CTNNA3: variants seen among roughly 807,000 people sequenced by gnomAD.
CTNNA3 encodes catenin alpha 3, also known as catenin alpha-3.
CTNNA3 carries 76 observed loss-of-function variants against 95.7 expected under a neutral mutation model. The ratio of observed to expected loss-of-function variants is 0.79; its 90% confidence interval spans 0.66 to 0.96. CTNNA3 has a LOEUF of 0.96. CTNNA3 is among the 40% of genes least tolerant of loss of function. The pLI is 0.00. For synonymous variants in CTNNA3, 431 were observed against 374.4 expected (o/e 1.15, Z -1.74); for missense variants, 1,191 against 1,089.8 (o/e 1.09, Z -1.31).
At chr10:66,339,801 T>C (rs1476883476) in intron 12 of CTNNA3, among the ~76,000 whole-genome samples, 1 of 151,858 alleles carries the variant, frequency 6.6e-6, no homozygotes, top group Non-Finnish European at 1.5e-5. Flanking sequence ...ACTAGACTTC[T>C]GGTTTACCTA....
At chr10:67,431,346 C>G (rs1846106590) in intron 5 of CTNNA3, among the ~76,000 whole-genome samples, 1 of 151,952 alleles carries the variant, frequency 6.6e-6, no homozygotes, top group South Asian at 2.1e-4. Flanking sequence ...ATCTCAGAAT[C>G]AGAGTATCTG....
intron 15 of CTNNA3, among the ~76,000 whole-genome samples, chr10:65,996,798 C>T (rs78680956): frequency 0.13 from 19,621 of 152,196 alleles, 1,345 homozygotes; most frequent in East Asian, 0.2. Context: ...AAGCTGGCAG[C>T]TTTACTTCCC....
At chr10:66,861,375 A>T (rs1843919923) in intron 7 of CTNNA3, among the ~76,000 whole-genome samples, 1 of 152,082 alleles carries the variant, frequency 6.6e-6, no homozygotes, top group Non-Finnish European at 1.5e-5. Flanking sequence ...CCCACATCCC[A>T]AAGCTGTGCA....
intron 10 of CTNNA3, among the ~76,000 whole-genome samples, chr10:66,546,997 T>C (rs1842053762): frequency 6.6e-6 from 1 of 152,162 alleles, no homozygotes; most frequent in Non-Finnish European, 1.5e-5. Context: ...TTTTGTTTTG[T>C]TTTTCTTGCT....
At chr10:67,132,571 G>A (rs1239700636) in intron 7 of CTNNA3, among the ~76,000 whole-genome samples, 2 of 152,156 alleles carry the variant, frequency 1.3e-5, no homozygotes, top group Non-Finnish European at 2.9e-5. Flanking sequence ...AAATGAGAGG[G>A]ATATGGGTTA....
chr10:67,433,693 T>TA (rs1028644237), intron 5 of CTNNA3, among the ~76,000 whole-genome samples: 1 of 152,054 alleles, frequency 6.6e-6, no homozygotes, highest in Admixed American at 6.6e-5. Flanking sequence ...TGGATGAATA[T>TA]ATCATGAAAA....
At chr10:66,150,488 T>C (rs1370951579) in intron 13 of CTNNA3, among the ~76,000 whole-genome samples, 2 of 151,956 alleles carry the variant, frequency 1.3e-5, no homozygotes, top group African/African-American at 2.4e-5. Flanking sequence ...AATTTTTTTC[T>C]ATTTTTTTAT....
At position 66,069,848 on chromosome 10, in the gene CTNNA3, G is replaced by A. The variant is rs142259160; in HGVS notation, c.1978-359C>T. Among the ~76,000 whole-genome samples the A allele has an allele frequency of 2.7e-3, 406 of 152,142 alleles. 6 individuals are homozygous for A. The highest frequency in any genetic ancestry group is 9.1e-3 in the African/African-American group (379 of 41,524). On this transcript the variant is annotated intron_variant, in intron 14 of 17. Coordinates refer to ENST00000433211, the MANE Select transcript of CTNNA3 (RefSeq NM_013266.4). The stretch of plus-strand genomic sequence containing the variant: ...TGCATCACCTTTGTTAGAAAAGTGC[G>A]TATAAAAAGGTGGATGTATAACATA...
At chr10:67,739,175 G>A (rs965194409) in intron 1 of CTNNA3, among the ~76,000 whole-genome samples, 2 of 152,104 alleles carry the variant, frequency 1.3e-5, no homozygotes, top group Non-Finnish European at 2.9e-5. Context: ...GGAAAAAATG[G>A]TAAGGGCAGC....
At chr10:67,488,867 G>T (rs1429380455) in intron 5 of CTNNA3, among the ~76,000 whole-genome samples, 1 of 151,710 alleles carries the variant, frequency 6.6e-6, no homozygotes, top group Non-Finnish European at 1.5e-5. Flanking sequence ...ACAGGGTTTT[G>T]CCATGTTACC....
At chr10:66,109,573 G>A (rs1156917583) in intron 13 of CTNNA3, among the ~76,000 whole-genome samples, 1 of 152,136 alleles carries the variant, frequency 6.6e-6, no homozygotes, top group African/African-American at 2.4e-5. Flanking sequence ...GCCCAACATA[G>A]GTAGCAGGAG....
chr10:66,413,369 T>C (rs902507826), intron 11 of CTNNA3, among the ~76,000 whole-genome samples: 1 of 141,128 alleles, frequency 7.1e-6, no homozygotes, highest in African/African-American at 2.6e-5. Flanking sequence ...TAAAAAGCCC[T>C]GCACTAGAAG....
chr10:66,411,952 T>C (rs1343863430), intron 11 of CTNNA3, among the ~76,000 whole-genome samples: 4 of 152,016 alleles, frequency 2.6e-5, no homozygotes, highest in Non-Finnish European at 4.4e-5. Flanking sequence ...TTCTACCAAA[T>C]TGGGGCAAGG....
intron 12 of CTNNA3, among the ~76,000 whole-genome samples, chr10:66,327,682 TATA>T (rs1175926808): frequency 1.3e-5 from 2 of 152,036 alleles, no homozygotes; most frequent in African/African-American, 4.8e-5. Flanking sequence ...CTTAGGACCC[TATA>T]ATATGATTAT....
At position 66,553,517 on chromosome 10, in the gene CTNNA3, C is replaced by CTTTTTT. The variant is rs753973882; in HGVS notation, c.1375-32750_1375-32745dup. 1.9e-3 allele frequency among the ~76,000 whole-genome samples: 101 copies of CTTTTTT among 52,224 alleles called. 18 individuals are homozygous for CTTTTTT. The highest frequency in any genetic ancestry group is 2.3e-3 in the Non-Finnish European group (74 of 32,372). 34.3% of individuals were successfully genotyped at this position (52,224 alleles called of 152,430 possible). ...AGATCTAATGATGAACAATACTTTT[C>CTTTTTT]TTTTTTTTTTTTTTTTTTTTTTTTT... On this transcript the variant is annotated intron_variant, in intron 10 of 17. Transcript: ENST00000433211.
At chr10:67,632,986 T>G (rs73270125) in intron 2 of CTNNA3, among the ~76,000 whole-genome samples, 20,147 of 152,102 alleles carry the variant, frequency 0.13, 2,383 homozygotes, top group African/African-American at 0.32. Context: ...ACCAAGTTCC[T>G]TGCGGGAGGG....
At chr10:67,726,363 A>C (rs866165157) in intron 1 of CTNNA3, among the ~76,000 whole-genome samples, 5 of 41,618 alleles carry the variant, frequency 1.2e-4, no homozygotes, top group East Asian at 1.5e-3. Context: ...TATATGATAT[A>C]ATATATGATA....
chr10:66,189,219 T>C (rs2086515351), intron 13 of CTNNA3, among the ~76,000 whole-genome samples: 1 of 151,850 alleles, frequency 6.6e-6, no homozygotes, highest in African/African-American at 2.4e-5. Flanking sequence ...AGCTTTTTAG[T>C]TTGATTTACT....
intron 11 of CTNNA3, among the ~76,000 whole-genome samples, chr10:66,415,516 G>A (rs1305277632): frequency 2.0e-5 from 3 of 152,102 alleles, no homozygotes; most frequent in African/African-American, 7.2e-5. Context: ...TCAGTTCACA[G>A]CTGCCACTAC....
Sources: allele counts gnomAD v4.1 joint callset (sites outside exome capture counted in the v4.1 genomes callset), GRCh38; gene constraint gnomAD v4.1.1; transcripts MANE v1.5; gene names NCBI Gene and HGNC (gene_info 2026-07-23, HGNC 2026-07-21).